The following ADCY5 variants were observed in gnomAD, a reference collection of about 807,000 sequenced individuals.
ADCY5 encodes adenylate cyclase type 5.
ADCY5 carries 30 observed loss-of-function variants against 119.7 expected under a neutral mutation model. The ratio of observed to expected loss-of-function variants is 0.25; its 90% CI spans 0.19 to 0.34. The LOEUF is 0.34. ADCY5 is among the 10% of genes least tolerant of loss of function. ADCY5 has a pLI of 1.00. For missense variants in ADCY5, 1,324 were observed against 1,775.2 expected (o/e 0.75, Z 4.57); for synonymous variants, 753 against 762.2 (o/e 0.99, Z 0.20).
At chr3:123,429,210 G>T (rs1417479918) in intron 1 of ADCY5, among the ~76,000 whole-genome samples, 4 of 152,180 alleles carry the variant, frequency 2.6e-5, no homozygotes. Flanking sequence ...TTCTGCAAAG[G>T]CAGGGACAAA....
At chr3:123,328,095 C>T (rs1037606250) in intron 6 of ADCY5, among the ~76,000 whole-genome samples, 4 of 152,234 alleles carry the variant, frequency 2.6e-5, no homozygotes, top group East Asian at 1.9e-4. Flanking sequence ...CGCGACAGGA[C>T]GGAGTCCAAA....
intron 1 of ADCY5, among the ~76,000 whole-genome samples, chr3:123,424,246 G>A (rs1945356524): frequency 6.6e-6 from 1 of 152,244 alleles, no homozygotes. Flanking sequence ...TCAGGCCTGT[G>A]CCTTCTGATA....
intron 16 of ADCY5, chr3:123,297,093 C>G: frequency 6.6e-7 from 1 of 1,511,782 alleles, no homozygotes. Context: ...TAACATGAGG[C>G]CTATGGGATG....
chr3:123,360,893 G>A (rs1038373531), intron 1 of ADCY5, among the ~76,000 whole-genome samples: 1 of 152,094 alleles, frequency 6.6e-6, no homozygotes, highest in East Asian at 1.9e-4. Context: ...AAGCAAGTTA[G>A]GCAGCATCAT....
At chr3:123,363,618 T>C (rs1438036842) in intron 1 of ADCY5, among the ~76,000 whole-genome samples, 5 of 152,200 alleles carry the variant, frequency 3.3e-5, no homozygotes, top group African/African-American at 1.2e-4. Flanking sequence ...AAATAAATTA[T>C]GGTGCTGTCA....
At chr3:123,341,640 T>C (rs957169325) in intron 3 of ADCY5, among the ~76,000 whole-genome samples, 1 of 152,156 alleles carries the variant, frequency 6.6e-6, no homozygotes, top group South Asian at 2.1e-4. Context: ...ATGAGTTTTA[T>C]GCTATGTATT....
intron 19 of ADCY5, 121 bp downstream of exon 19, chr3:123,289,629 T>C: frequency 8.3e-7 from 1 of 1,202,294 alleles, no homozygotes; most frequent in Non-Finnish European, 1.2e-6. Context: ...CAGCCTCTGC[T>C]GCCGCCTGGC....
intron 1 of ADCY5, chr3:123,404,461 C>A (rs1576672068): frequency 6.6e-6 from 1 of 152,556 alleles, no homozygotes; most frequent in Non-Finnish European, 1.5e-5. Flanking sequence ...CCATCCAGAC[C>A]TCCCACTCCA....
At chr3:123,333,212 G>A (rs77273656) in intron 3 of ADCY5, among the ~76,000 whole-genome samples, 3,172 of 152,292 alleles carry the variant, frequency 0.021, 106 homozygotes, top group African/African-American at 0.071. Flanking sequence ...ACTTCGTGAC[G>A]ATATGAGAAG....
intron 1 of ADCY5, among the ~76,000 whole-genome samples, chr3:123,373,352 T>C (rs1049414431): frequency 6.6e-6 from 1 of 152,256 alleles, no homozygotes; most frequent in South Asian, 2.1e-4. Flanking sequence ...CGCTGGGCAT[T>C]ATCCATGCCA....
chr3:123,440,507 G>A (rs989067103), intron 1 of ADCY5, among the ~76,000 whole-genome samples: 3 of 149,370 alleles, frequency 2.0e-5, no homozygotes, highest in African/African-American at 7.4e-5. Flanking sequence ...CCAGAGAACA[G>A]CCCTACCCCC....
intron 1 of ADCY5, among the ~76,000 whole-genome samples, chr3:123,358,466 A>G (rs1943122629): frequency 6.6e-6 from 1 of 152,034 alleles, no homozygotes; most frequent in South Asian, 2.1e-4. Context: ...AAACAAATAA[A>G]AATTCACCAG....
In ADCY5 at chr3:123,448,491, C is replaced by T. The variant is rs550254165; in HGVS notation, c.55G>A (p.Ala19Thr). 1,572 of 1,269,650 alleles carry T rather than the reference C, an allele frequency of 1.2e-3. 3 individuals are homozygous for T. Among genetic ancestry groups the T allele is most frequent in the Non-Finnish European group, 1.5e-3 (1,481 of 1,009,344 alleles). The allele number at this position is 1,269,650 out of a possible 1,614,324, so 78.6% of individuals were successfully genotyped here. The change falls in exon 1 of 21, where the codon GCG (alanine) becomes ACG (threonine). Residue 19 changes from alanine to threonine, a missense_variant. By Grantham distance (58) the Ala-to-Thr change is moderately conservative. Coordinates refer to ENST00000462833, the MANE Select transcript of ADCY5 (RefSeq NM_183357.3). The part of the protein sequence containing the change: ...PPGYAAQKTA[A>T]PAPRGGPEHR... Reference sequence around the variant, plus strand: ...TCGGGGCCTCCCCGGGGCGCCGGCGCCGCAGTCTTCTGCGCCGCGTAGCCC... The same window carrying T: ...TCGGGGCCTCCCCGGGGCGCCGGCGTCGCAGTCTTCTGCGCCGCGTAGCCC...
In ADCY5 at chr3:123,352,237, G is replaced by A. The variant is rs1057306528; in HGVS notation, c.1284+195C>T. ...GGCACCAGGCCTTGGGCACGGGCTG[G>A]GTAGAACTCACTTCCCACAGGGCCT... is the stretch of plus-strand genomic sequence containing the variant. On this transcript the variant is annotated intron_variant, in intron 2 of 20. Transcript: ENST00000462833. This position sits in a 1 kb window ranked among gnomAD's most constrained non-coding sequence, Gnocchi z 4.8. Among the ~76,000 whole-genome samples the A allele has an allele frequency of 6.6e-6, 1 of 152,148 alleles. No homozygotes were observed.
chr3:123,318,433 A>G (rs1323671469), intron 10 of ADCY5, among the ~76,000 whole-genome samples: 1 of 152,166 alleles, frequency 6.6e-6, no homozygotes, highest in Non-Finnish European at 1.5e-5. Context: ...GAAACATGCC[A>G]GGTGTCTACA....
At chr3:123,425,863 C>G (rs921920654) in intron 1 of ADCY5, among the ~76,000 whole-genome samples, 1 of 152,210 alleles carries the variant, frequency 6.6e-6, no homozygotes, top group African/African-American at 2.4e-5. Flanking sequence ...GAGGGTAAAA[C>G]CCATGACCCA....
chr3:123,397,797 G>A (rs1944644415), intron 1 of ADCY5, among the ~76,000 whole-genome samples: 3 of 152,178 alleles, frequency 2.0e-5, no homozygotes, highest in Admixed American at 2.0e-4. Flanking sequence ...TTAAGGAAGG[G>A]GACTGAGGAA....
intron 1 of ADCY5, among the ~76,000 whole-genome samples, chr3:123,437,363 T>G (rs1667428732): frequency 6.6e-6 from 1 of 152,110 alleles, no homozygotes; most frequent in Non-Finnish European, 1.5e-5. Context: ...AGCCCTCAGG[T>G]TCTCTCCCTC....
chr3:123,348,582 G>A (rs549337335), intron 2 of ADCY5, among the ~76,000 whole-genome samples: 3 of 152,252 alleles, frequency 2.0e-5, no homozygotes, highest in East Asian at 3.9e-4. Context: ...TTCCACCTGG[G>A]GGACAGTGGC....
Sources: gnomAD v4.1 joint callset for allele counts (sites outside exome capture counted in the v4.1 genomes callset) on GRCh38, gnomAD v4.1.1 for gene constraint, Gnocchi (gnomAD v3.1) non-coding constraint, MANE v1.5 for transcripts, NCBI Gene and HGNC (gene_info 2026-07-23, HGNC 2026-07-21) for gene names.